Variants in NSMCE2 observed in about 807,000 individuals in gnomAD.
NSMCE2 encodes NSE2 SUMO ligase component of SMC5/6 complex.
In NSMCE2, 24 loss-of-function variants were observed where a neutral mutation model predicts 23.8. That is an observed-to-expected ratio of 1.01 (90% CI 0.73 to 1.42). NSMCE2 has a LOEUF of 1.42. Among genes scored for constraint, NSMCE2 ranks in the 40% most tolerant of loss-of-function variants. The probability of loss-of-function intolerance (pLI) is 0.00; values close to 1 mark genes in which losing one functional copy is unlikely to be tolerated. For synonymous variants in NSMCE2, 92 were observed against 94.1 expected (o/e 0.98, Z 0.13); for missense variants, 284 against 296.5 (o/e 0.96, Z 0.31).
intron 1 of NSMCE2, among the ~76,000 whole-genome samples, chr8:125,093,990 G>A (rs968321403): frequency 1.9e-4 from 29 of 150,878 alleles, no homozygotes; most frequent in African/African-American, 6.6e-4. Flanking sequence ...TTTTTGTAGA[G>A]TTGGGGTCTT....
intron 5 of NSMCE2, among the ~76,000 whole-genome samples, chr8:125,277,836 A>AT (rs1438425064): frequency 6.6e-6 from 1 of 151,896 alleles, no homozygotes; most frequent in Admixed American, 6.6e-5. Flanking sequence ...TAAATGTTAA[A>AT]TTTAGCAGTC....
In NSMCE2 at chr8:125,272,473, T is replaced by C. The variant is rs117837183; in HGVS notation, c.419-84746T>C. Among the ~76,000 whole-genome samples the C allele has an allele frequency of 2.6e-3, 395 of 150,950 alleles. 1 individual carries two copies. Among genetic ancestry groups the C allele is most frequent in the Non-Finnish European group, 4.1e-3 (281 of 67,880 alleles). On this transcript the variant is annotated intron_variant, in intron 5 of 7. Transcript: ENST00000287437. The stretch of plus-strand genomic sequence containing the variant: ...AAAAGAGTGGAGGTGACCAAATGAC[T>C]AACCCGGCACATGGGGACAGGAGGA...
chr8:125,260,605 C>T (rs1342720465), intron 5 of NSMCE2, among the ~76,000 whole-genome samples: 1 of 149,130 alleles, frequency 6.7e-6, no homozygotes, highest in Non-Finnish European at 1.5e-5. Context: ...GGTTTAATTC[C>T]CTAATTTCAT....
rs1334768062 is a variant in NSMCE2, at chr8:125,161,234, T to A, written c.264+9957T>A. On this transcript the variant is annotated intron_variant, in intron 4 of 7. Transcript: ENST00000287437. ...ATGGTGGCACTTTCCTTCTTTTGTGTTGTGGCCAGTGTGATATTTAAACCA... is the reference window on the plus strand; with the variant it reads ...ATGGTGGCACTTTCCTTCTTTTGTGATGTGGCCAGTGTGATATTTAAACCA... 2.0e-5 allele frequency among the ~76,000 whole-genome samples: 3 copies of A among 152,318 alleles called. No homozygotes were observed. The East Asian group carries it at 5.8e-4, about 29-fold the overall frequency.
intron 7 of NSMCE2, among the ~76,000 whole-genome samples, chr8:125,363,561 AGG>A (rs1471428295): frequency 2.1e-4 from 23 of 112,000 alleles, no homozygotes; most frequent in African/African-American, 7.4e-4. Flanking sequence ...AGAGAGAGAG[AGG>A]GAGGGAGGGG....
intron 5 of NSMCE2, among the ~76,000 whole-genome samples, chr8:125,340,372 T>TA (rs1293969859): frequency 6.6e-6 from 1 of 152,224 alleles, no homozygotes; most frequent in East Asian, 1.9e-4. Flanking sequence ...AATGGTTAGT[T>TA]ACGTTTCTTG....
chr8:125,334,739 G>A (rs1830009296), intron 5 of NSMCE2, among the ~76,000 whole-genome samples: 1 of 148,462 alleles, frequency 6.7e-6, no homozygotes, highest in Admixed American at 6.7e-5. Flanking sequence ...GTGTACGAAG[G>A]ATTGGGCCAA....
rs759319628 is a variant in NSMCE2 at position 125,268,068 on chromosome 8, TA to T, written c.418+85829del. On this transcript the variant is annotated intron_variant, in intron 5 of 7. Coordinates refer to ENST00000287437, the MANE Select transcript of NSMCE2 (RefSeq NM_173685.4). ...GCACAGTGAAACCCTCATCTCTATTTAAAAAAAAAAAAAAAAATTAACTGGG... is the reference window on the plus strand; with the variant it reads ...GCACAGTGAAACCCTCATCTCTATTTAAAAAAAAAAAAAAAATTAACTGGG... 5.3e-3 allele frequency among the ~76,000 whole-genome samples: 726 copies of T among 136,336 alleles called. 1 individual carries two copies. The highest frequency in any genetic ancestry group is 0.011 in the East Asian group (51 of 4,780). The allele number at this position is 136,336 out of a possible 152,430, so 89.4% of individuals were successfully genotyped here.
chr8:125,175,017 A>C (rs903814493), intron 4 of NSMCE2, among the ~76,000 whole-genome samples: 4 of 152,348 alleles, frequency 2.6e-5, no homozygotes, highest in Middle Eastern at 3.4e-3. Context: ...GCAATATACT[A>C]AACTCTAGAA....
chr8:125,207,942 A>G (rs1399351739), intron 5 of NSMCE2, among the ~76,000 whole-genome samples: 13 of 152,214 alleles, frequency 8.5e-5, no homozygotes, highest in African/African-American at 2.9e-4. Flanking sequence ...AACTTTTGTC[A>G]GACTTTTGGT....
intron 3 of NSMCE2, among the ~76,000 whole-genome samples, chr8:125,134,868 T>C (rs549334674): frequency 1.3e-5 from 2 of 152,112 alleles, no homozygotes; most frequent in Admixed American, 1.3e-4. Context: ...GTTGGGACTA[T>C]AGGCGTATGC....
chr8:125,334,976 A>T (rs995438072), intron 5 of NSMCE2, among the ~76,000 whole-genome samples: 1 of 151,570 alleles, frequency 6.6e-6, no homozygotes, highest in African/African-American at 2.4e-5. Context: ...CGCTCATCTC[A>T]AACTCCTGGC....
intron 5 of NSMCE2, among the ~76,000 whole-genome samples, chr8:125,301,652 ATTTT>A (rs67825410): frequency 1.8e-5 from 2 of 110,662 alleles, no homozygotes; most frequent in Non-Finnish European, 1.9e-5. Flanking sequence ...CATACAAGCC[ATTTT>A]TTTTTTTTTT....
chr8:125,162,809 A>G (rs945125843), intron 4 of NSMCE2, among the ~76,000 whole-genome samples: 1 of 152,194 alleles, frequency 6.6e-6, no homozygotes, highest in African/African-American at 2.4e-5. Context: ...AACTTTCCTT[A>G]TATTTATTTT....
At chr8:125,153,010 T>C (rs1231304416) in intron 4 of NSMCE2, among the ~76,000 whole-genome samples, 14 of 122,604 alleles carry the variant, frequency 1.1e-4, no homozygotes, top group Non-Finnish European at 3.1e-5. Flanking sequence ...TGAGCTGAGA[T>C]CACGCCAGTG....
chr8:125,272,804 T>C (rs558317373), intron 5 of NSMCE2, among the ~76,000 whole-genome samples: 2 of 139,412 alleles, frequency 1.4e-5, no homozygotes, highest in Non-Finnish European at 3.1e-5. Context: ...TGTATATATA[T>C]ACACACACGT....
chr8:125,235,434 A>C (rs561352285), intron 5 of NSMCE2, among the ~76,000 whole-genome samples: 71 of 152,316 alleles, frequency 4.7e-4, no homozygotes, highest in Admixed American at 2.3e-3. Context: ...GAAAGTGAAA[A>C]GATAACTCCT....
At chr8:125,185,326 A>G (rs1211323377) in intron 5 of NSMCE2, among the ~76,000 whole-genome samples, 1 of 150,602 alleles carries the variant, frequency 6.6e-6, no homozygotes, top group Non-Finnish European at 1.5e-5. Context: ...CTTTTTTTTG[A>G]GACAGAGTCT....
intron 5 of NSMCE2, among the ~76,000 whole-genome samples, chr8:125,216,830 G>A (rs1365129502): frequency 1.3e-5 from 2 of 152,048 alleles, no homozygotes; most frequent in Non-Finnish European, 2.9e-5. Context: ...TGGAATTTTC[G>A]GGTAAAGACG....
Sources: allele counts gnomAD v4.1 joint callset (sites outside exome capture counted in the v4.1 genomes callset), GRCh38; gene constraint gnomAD v4.1.1; transcripts MANE v1.5; gene names NCBI Gene and HGNC (gene_info 2026-07-23, HGNC 2026-07-21).